AIDA: variants seen among roughly 807,000 people sequenced by gnomAD.
AIDA encodes axin interactor, dorsalization associated.
A neutral mutation model predicts 42.7 loss-of-function variants in AIDA; 18 were observed. The observed-to-expected ratio is 0.42, with a 90% CI of 0.29 to 0.63. The LOEUF is 0.63. Among genes scored for constraint, AIDA ranks in the 20% least tolerant of loss-of-function variants. AIDA has a pLI of 0.19. For synonymous variants in AIDA, 104 were observed against 122.9 expected (o/e 0.85, Z 1.02); for missense variants, 250 against 354.1 (o/e 0.71, Z 2.36).
intron 6 of AIDA, among the ~76,000 whole-genome samples, chr1:222,682,003 C>G (rs1191138879): frequency 6.6e-6 from 1 of 152,104 alleles, no homozygotes; most frequent in Non-Finnish European, 1.5e-5. Flanking sequence ...CTGTGTGTGG[C>G]CAAAGGCACT....
intron 4 of AIDA, among the ~76,000 whole-genome samples, chr1:222,689,622 T>C (rs892893565): frequency 4.1e-5 from 6 of 146,484 alleles, no homozygotes; most frequent in Non-Finnish European, 9.0e-5. Context: ...CACACGTATA[T>C]ATATTTGTAC....
At chr1:222,702,867 C>G (rs764143567) in intron 2 of AIDA, among the ~76,000 whole-genome samples, 3 of 152,214 alleles carry the variant, frequency 2.0e-5, no homozygotes, top group African/African-American at 7.2e-5. Flanking sequence ...GGTTCTCCCC[C>G]TCTTCAGCGA....
At chr1:222,671,354 A>G (rs1324811116) in intron 8 of AIDA, among the ~76,000 whole-genome samples, 1 of 152,250 alleles carries the variant, frequency 6.6e-6, no homozygotes, top group East Asian at 1.9e-4. Context: ...AATGTGGCCA[A>G]CAAAAATGAA....
At chr1:222,701,803 A>C (rs1345762163) in intron 2 of AIDA, among the ~76,000 whole-genome samples, 1 of 152,194 alleles carries the variant, frequency 6.6e-6, no homozygotes, top group Non-Finnish European at 1.5e-5. Context: ...AGCTCACTGC[A>C]ACCTCTGCCT....
chr1:222,699,973 T>C (rs1437563660), intron 2 of AIDA, among the ~76,000 whole-genome samples: 1 of 151,974 alleles, frequency 6.6e-6, no homozygotes, highest in African/African-American at 2.4e-5. Flanking sequence ...GGTTTCACCG[T>C]GAATTCGATC....
intron 2 of AIDA, among the ~76,000 whole-genome samples, chr1:222,698,217 G>A (rs1655576112): frequency 6.6e-6 from 1 of 152,018 alleles, no homozygotes. Flanking sequence ...AGAATATTAA[G>A]AATTTAAAAA....
chr1:222,680,442 G>A (rs893252601), intron 6 of AIDA, among the ~76,000 whole-genome samples: 2 of 152,128 alleles, frequency 1.3e-5, no homozygotes, highest in African/African-American at 4.8e-5. Flanking sequence ...CTAAAGAAGA[G>A]GTATGAGCTA....
intron 6 of AIDA, among the ~76,000 whole-genome samples, chr1:222,678,862 G>A (rs1289562564): frequency 6.6e-6 from 1 of 152,132 alleles, no homozygotes; most frequent in East Asian, 1.9e-4. Flanking sequence ...GCTAAACTCT[G>A]TCAGTCCTTT....
intron 7 of AIDA, among the ~76,000 whole-genome samples, chr1:222,674,087 C>CA (rs890142289): frequency 7.9e-5 from 12 of 151,944 alleles, no homozygotes; most frequent in Admixed American, 3.9e-4. Context: ...AACTCTGTGT[C>CA]AAAAAAACAA....
At chr1:222,670,601 A>G (rs1664429750) in intron 8 of AIDA, among the ~76,000 whole-genome samples, 1 of 152,242 alleles carries the variant, frequency 6.6e-6, no homozygotes, top group South Asian at 2.1e-4. Context: ...TTCAATACAC[A>G]TAGAGACTCA....
chr1:222,683,709 A>G (rs1664692916), intron 6 of AIDA, among the ~76,000 whole-genome samples: 1 of 152,166 alleles, frequency 6.6e-6, no homozygotes, highest in Non-Finnish European at 1.5e-5. Flanking sequence ...ACTATTCAAG[A>G]CTATCAGTAA....
intron 2 of AIDA, among the ~76,000 whole-genome samples, chr1:222,699,802 C>T (rs1464547564): frequency 5.3e-5 from 8 of 150,078 alleles, no homozygotes; most frequent in South Asian, 2.1e-4. Context: ...AGACAAGTCT[C>T]GCTCTGTCGC....
intron 8 of AIDA, among the ~76,000 whole-genome samples, chr1:222,671,153 G>C (rs1219844261): frequency 6.6e-6 from 1 of 152,064 alleles, no homozygotes; most frequent in Non-Finnish European, 1.5e-5. Context: ...CCTGAGCCCA[G>C]GGAGATTGAG....
intron 2 of AIDA, among the ~76,000 whole-genome samples, chr1:222,695,334 A>C (rs1313398122): frequency 6.6e-6 from 1 of 152,212 alleles, no homozygotes; most frequent in Non-Finnish European, 1.5e-5. Context: ...TCTACTAAAA[A>C]TACAAAAATT....
chr1:222,694,696 GC>G (rs1655466844), intron 2 of AIDA, among the ~76,000 whole-genome samples: 1 of 152,068 alleles, frequency 6.6e-6, no homozygotes, highest in African/African-American at 2.4e-5. Flanking sequence ...TAATATATAG[GC>G]AACACTAAGC....
intron 1 of AIDA, among the ~76,000 whole-genome samples, chr1:222,704,617 G>A (rs979225917): frequency 6.6e-6 from 1 of 152,122 alleles, no homozygotes; most frequent in African/African-American, 2.4e-5. Context: ...AATCCACAGA[G>A]ACAAAAAGCA....
chr1:222,672,786 C>A (rs1163292288), intron 8 of AIDA, among the ~76,000 whole-genome samples: 2 of 152,210 alleles, frequency 1.3e-5, no homozygotes, highest in African/African-American at 4.8e-5. Context: ...TCTGAAGTCA[C>A]CTTTTTGGAG....
intron 7 of AIDA, among the ~76,000 whole-genome samples, chr1:222,675,376 G>T (rs950816334): frequency 6.6e-6 from 1 of 152,092 alleles, no homozygotes; most frequent in African/African-American, 2.4e-5. Context: ...AACAATAAAA[G>T]AATTCAACCA....
intron 4 of AIDA, among the ~76,000 whole-genome samples, chr1:222,689,232 G>A (rs1411732785): frequency 6.6e-6 from 1 of 151,488 alleles, no homozygotes; most frequent in East Asian, 1.9e-4. Flanking sequence ...GCAGACAGGA[G>A]TTTGAGACCA....
Sources: allele counts gnomAD v4.1 joint callset (sites outside exome capture counted in the v4.1 genomes callset), GRCh38; gene constraint gnomAD v4.1.1; transcripts MANE v1.5; gene names NCBI Gene and HGNC (gene_info 2026-07-23, HGNC 2026-07-21).